Variants in SMPD3 observed in about 807,000 individuals in gnomAD.
The protein encoded by SMPD3 is sphingomyelin phosphodiesterase 3, also known as nSMase-2.
A neutral mutation model predicts 55.7 loss-of-function variants in SMPD3; 21 were observed. That is an observed-to-expected ratio of 0.38 (90% confidence interval 0.27 to 0.54). The LOEUF is 0.54. Among genes scored for constraint, SMPD3 ranks in the 20% least tolerant of loss-of-function variants. The probability of loss-of-function intolerance (pLI) is 0.80; values close to 1 mark genes in which losing one functional copy is unlikely to be tolerated. For missense variants in SMPD3, 842 were observed against 899.6 expected, an observed-to-expected ratio of 0.94 and a Z score of 0.82; for synonymous variants, 457 against 404.3, an observed-to-expected ratio of 1.13 and a Z score of -1.56.
At chr16:68,377,179 C>T (rs778867714) in intron 2 of SMPD3, among the ~76,000 whole-genome samples, 6 of 152,210 alleles carry the variant, frequency 3.9e-5, no homozygotes, top group Non-Finnish European at 7.3e-5. Flanking sequence ...TGCTGGACTT[C>T]ACTAGCTTGT....
chr16:68,375,058 T>C (rs1439900168), intron 2 of SMPD3, among the ~76,000 whole-genome samples: 1 of 152,176 alleles, frequency 6.6e-6, no homozygotes, highest in Non-Finnish European at 1.5e-5. Context: ...CTCTGTGGCC[T>C]GAGGTCACCA....
chr16:68,425,750 C>T (rs2090431624), intron 1 of SMPD3, among the ~76,000 whole-genome samples: 1 of 152,134 alleles, frequency 6.6e-6, no homozygotes, highest in African/African-American at 2.4e-5. Context: ...GATATCCGGC[C>T]TCGGGCCAGC....
intron 3 of SMPD3, chr16:68,368,737 G>A (rs2089562045): frequency 6.6e-6 from 1 of 152,382 alleles, no homozygotes; most frequent in Non-Finnish European, 1.5e-5. Flanking sequence ...CCTCAGAAAG[G>A]GCAGAAATGG....
intron 1 of SMPD3, among the ~76,000 whole-genome samples, chr16:68,446,520 CAG>C (rs2090611470): frequency 6.9e-6 from 1 of 145,946 alleles, no homozygotes; most frequent in Non-Finnish European, 1.5e-5. Flanking sequence ...CACACACACA[CAG>C]CCCGAAGCGC....
At chr16:68,433,262 T>C (rs1232955224) in intron 1 of SMPD3, among the ~76,000 whole-genome samples, 1 of 152,244 alleles carries the variant, frequency 6.6e-6, no homozygotes, top group Non-Finnish European at 1.5e-5. Flanking sequence ...TGACTGTGGA[T>C]ATTTAAATGC....
At chr16:68,378,510 T>C (rs998979910) in intron 2 of SMPD3, among the ~76,000 whole-genome samples, 23 of 152,186 alleles carry the variant, frequency 1.5e-4, no homozygotes, top group Non-Finnish European at 2.5e-4. Context: ...TGCCTGTTCA[T>C]CCATCTAGAT....
chr16:68,363,419 A>C (rs960060546), intron 7 of SMPD3, 77 bp downstream of exon 7: 14 of 1,531,158 alleles, frequency 9.1e-6, no homozygotes, highest in Admixed American at 1.7e-5. Context: ...GAGCTCTCCC[A>C]TGTGGGTCCT....
intron 2 of SMPD3, among the ~76,000 whole-genome samples, chr16:68,385,232 T>C (rs1042123446): frequency 6.6e-6 from 1 of 152,214 alleles, no homozygotes; most frequent in Admixed American, 6.5e-5. Flanking sequence ...CCAAGTCACC[T>C]GACTCCAATT....
At position 68,447,073 on chromosome 16, in the gene SMPD3, C is replaced by A. The variant is rs927170153; in HGVS notation, c.-269+1280G>T. Reference sequence around the variant, plus strand: ...GTTTCCGTGGAAGCTGCCCGCGCCGCGCCCGAAGCCCCCCCTCCGCGGCCG... The same window carrying A: ...GTTTCCGTGGAAGCTGCCCGCGCCGAGCCCGAAGCCCCCCCTCCGCGGCCG... On this transcript the variant is annotated intron_variant, in intron 1 of 8. Coordinates refer to ENST00000219334, the MANE Select transcript of SMPD3 (RefSeq NM_018667.4). This position sits in a 1 kb window ranked among gnomAD's most constrained non-coding sequence, Gnocchi z 5.1. Among the ~76,000 whole-genome samples the A allele has an allele frequency of 2.0e-5, 3 of 151,920 alleles. No homozygotes were observed. Among genetic ancestry groups the A allele is most frequent in the African/African-American group, 7.2e-5 (3 of 41,402 alleles).
chr16:68,379,641 T>C (rs1464078677), intron 2 of SMPD3, among the ~76,000 whole-genome samples: 2 of 152,208 alleles, frequency 1.3e-5, no homozygotes, highest in African/African-American at 2.4e-5. Flanking sequence ...CGCAGGAGGT[T>C]ATCAGAGCCA....
At chr16:68,440,221 G>A (rs1374140630) in intron 1 of SMPD3, among the ~76,000 whole-genome samples, 1 of 151,956 alleles carries the variant, frequency 6.6e-6, no homozygotes, top group Admixed American at 6.6e-5. Context: ...TTTTTGAGAC[G>A]GTCTCATTCC....
rs543239880 is a variant in SMPD3, at chr16:68,443,697, C to T, written c.-269+4656G>A. ...GCTGGATAAGATATAAAGTAGGTGG[C>T]ACTATCCTTGCTGAACTTGGAAAGA... On this transcript the variant is annotated intron_variant, in intron 1 of 8. Transcript: ENST00000219334. Among the ~76,000 whole-genome samples, 10 of 152,334 alleles carry T rather than the reference C, an allele frequency of 6.6e-5. No individual in the cohort carries two copies. The East Asian group carries it at 1.5e-3, about 23-fold the overall frequency.
At chr16:68,393,784 C>T (rs1193367537) in intron 1 of SMPD3, among the ~76,000 whole-genome samples, 2 of 152,104 alleles carry the variant, frequency 1.3e-5, no homozygotes, top group Non-Finnish European at 2.9e-5. Flanking sequence ...CAGATACTCT[C>T]CTTTGCTTTA....
At chr16:68,390,775 C>T (rs2090104489) in intron 1 of SMPD3, among the ~76,000 whole-genome samples, 1 of 152,224 alleles carries the variant, frequency 6.6e-6, no homozygotes, top group Non-Finnish European at 1.5e-5. Flanking sequence ...TCAAACACCT[C>T]TGACAACACC....
At chr16:68,409,003 G>A (rs12444616) in intron 1 of SMPD3, among the ~76,000 whole-genome samples, 123,456 of 152,106 alleles carry the variant, frequency 0.81, 50,394 homozygotes, top group African/African-American at 0.9. Context: ...CTCCACCTAG[G>A]TCGCTGAGGT....
chr16:68,433,535 A>G (rs866661993), intron 1 of SMPD3, among the ~76,000 whole-genome samples: 7 of 152,246 alleles, frequency 4.6e-5, no homozygotes, highest in African/African-American at 1.4e-4. Context: ...TCACCAGGGC[A>G]TGGCAGATGG....
intron 1 of SMPD3, among the ~76,000 whole-genome samples, chr16:68,419,341 G>A (rs528366101): frequency 2.9e-4 from 44 of 152,226 alleles, no homozygotes; most frequent in Admixed American, 7.2e-4. Flanking sequence ...ACAAGACTGA[G>A]GATTTTGTGT....
intron 1 of SMPD3, among the ~76,000 whole-genome samples, chr16:68,406,274 T>C (rs181239645): frequency 2.0e-5 from 3 of 152,392 alleles, no homozygotes; most frequent in Non-Finnish European, 4.4e-5. Context: ...GTCAACCTTC[T>C]GAACATTTAG....
chr16:68,405,933 G>T (rs1472200093), intron 1 of SMPD3, among the ~76,000 whole-genome samples: 2 of 152,168 alleles, frequency 1.3e-5, no homozygotes, highest in African/African-American at 4.8e-5. Context: ...GCTAACACAG[G>T]TGGAGCACAT....
Sources: gnomAD v4.1 joint callset for allele counts (sites outside exome capture counted in the v4.1 genomes callset) on GRCh38, gnomAD v4.1.1 for gene constraint, Gnocchi (gnomAD v3.1) non-coding constraint, MANE v1.5 for transcripts, NCBI Gene and HGNC (gene_info 2026-07-23, HGNC 2026-07-21) for gene names.